CACNA2D3: variants seen among roughly 807,000 people sequenced by gnomAD.
CACNA2D3 encodes the protein calcium voltage-gated channel auxiliary subunit alpha2delta 3, also known as voltage-dependent calcium channel subunit alpha-2/delta-3.
CACNA2D3 carries 60 observed loss-of-function variants against 160.6 expected under a neutral mutation model. That is an observed-to-expected ratio of 0.37 (90% CI 0.30 to 0.46). The LOEUF is 0.46. CACNA2D3 is among the 20% of genes least tolerant of loss of function. CACNA2D3 has a pLI of 1.00. For missense variants in CACNA2D3, 1,205 were observed against 1,365.0 expected (o/e 0.88, Z 1.85); for synonymous variants, 558 against 492.9 (o/e 1.13, Z -1.75).
intron 2 of CACNA2D3, among the ~76,000 whole-genome samples, chr3:54,128,988 C>T (rs1699652718): frequency 6.6e-6 from 1 of 152,126 alleles, no homozygotes; most frequent in Admixed American, 6.5e-5. Flanking sequence ...TGTCAGGCTT[C>T]TGGTAAAACT....
rs549890783 is a variant in CACNA2D3 at position 54,472,026 on chromosome 3, A to G, written c.382-31466A>G. On this transcript the variant is annotated intron_variant, in intron 4 of 37. Transcript: ENST00000474759. ...AACTCCAAATGATAGAAAAAAAGGG[A>G]CTCCTCCCTAACATATTTTGTGAGG... Among the ~76,000 whole-genome samples the G allele has an allele frequency of 8.5e-5, 13 of 152,120 alleles. No individual in the cohort carries two copies. The South Asian group carries it at 2.3e-3, about 27-fold the overall frequency.
intron 4 of CACNA2D3, among the ~76,000 whole-genome samples, chr3:54,400,390 C>G (rs1699433375): frequency 1.3e-5 from 2 of 152,036 alleles, no homozygotes; most frequent in South Asian, 4.1e-4. Context: ...GCCCACGACT[C>G]CTCTTCCATG....
intron 2 of CACNA2D3, among the ~76,000 whole-genome samples, chr3:54,313,555 G>C (rs1050934987): frequency 6.6e-6 from 1 of 151,440 alleles, no homozygotes; most frequent in Non-Finnish European, 1.5e-5. Flanking sequence ...CTAGCACACC[G>C]CCCTTGATGA....
At position 54,885,593 on chromosome 3, in the gene CACNA2D3, A is replaced by T; in HGVS notation, c.2056+7A>T. On this transcript the variant is annotated splice_region_variant and intron_variant, in intron 23 of 37. Coordinates refer to ENST00000474759, the MANE Select transcript of CACNA2D3 (RefSeq NM_018398.3). Reference sequence around the variant, plus strand: ...AAAGAACCTCTGCTCCAGTGTGAGTATGCTTTCAAAAGTGTGCTGTGCCTT... The same window carrying T: ...AAAGAACCTCTGCTCCAGTGTGAGTTTGCTTTCAAAAGTGTGCTGTGCCTT... The T allele has an allele frequency of 6.2e-7, 1 of 1,606,078 alleles. No individual in the cohort carries two copies. The highest frequency in any genetic ancestry group is 8.5e-7 in the Non-Finnish European group (1 of 1,174,188).
intron 13 of CACNA2D3, among the ~76,000 whole-genome samples, chr3:54,782,528 C>T (rs1702555480): frequency 6.6e-6 from 1 of 151,914 alleles, no homozygotes; most frequent in Non-Finnish European, 1.5e-5. Flanking sequence ...TTTGGACTTG[C>T]CAAGTTCTGA....
At chr3:54,746,823 G>T in intron 11 of CACNA2D3, among the ~76,000 whole-genome samples, 1 of 152,126 alleles carries the variant, frequency 6.6e-6, no homozygotes, top group African/African-American at 2.4e-5. Flanking sequence ...TAATTCCAAA[G>T]ATTGTGAAGA....
intron 2 of CACNA2D3, among the ~76,000 whole-genome samples, chr3:54,203,366 C>T (rs1229485401): frequency 6.6e-6 from 1 of 152,134 alleles, no homozygotes; most frequent in Admixed American, 6.5e-5. Flanking sequence ...ATGGCGGTGT[C>T]TAGGGGTGAA....
intron 2 of CACNA2D3, among the ~76,000 whole-genome samples, chr3:54,166,155 T>C (rs1700451089): frequency 6.6e-6 from 1 of 152,190 alleles, no homozygotes; most frequent in Non-Finnish European, 1.5e-5. Flanking sequence ...AAGCTGGCTG[T>C]GTTTCCTTTC....
intron 11 of CACNA2D3, among the ~76,000 whole-genome samples, chr3:54,644,835 T>A (rs1001578083): frequency 6.6e-6 from 1 of 152,230 alleles, no homozygotes; most frequent in Admixed American, 6.5e-5. Flanking sequence ...CTTGTGGAAC[T>A]ACTGCCACAA....
intron 13 of CACNA2D3, among the ~76,000 whole-genome samples, chr3:54,809,311 CTTTT>C (rs1217898723): frequency 1.4e-4 from 11 of 80,732 alleles, no homozygotes; most frequent in Non-Finnish European, 2.0e-4. Flanking sequence ...TTCCTTCTTT[CTTTT>C]TTTTTTTTTT....
chr3:54,777,793 G>A (rs1405310536), intron 13 of CACNA2D3, among the ~76,000 whole-genome samples: 1 of 152,182 alleles, frequency 6.6e-6, no homozygotes. Context: ...TATTCCAATA[G>A]CAGGGACCAG....
chr3:55,008,769 C>T (rs1243371822), intron 33 of CACNA2D3, among the ~76,000 whole-genome samples: 5 of 152,104 alleles, frequency 3.3e-5, no homozygotes, highest in Admixed American at 3.3e-4. Flanking sequence ...TCTCTTCATC[C>T]ACTGGAGGAT....
chr3:54,260,124 T>G (rs1381106320), intron 2 of CACNA2D3, among the ~76,000 whole-genome samples: 1 of 152,182 alleles, frequency 6.6e-6, no homozygotes, highest in Non-Finnish European at 1.5e-5. Context: ...TTTTTCTACT[T>G]TCTAAACAGA....
At chr3:54,786,976 T>A (rs185069957) in intron 13 of CACNA2D3, among the ~76,000 whole-genome samples, 1 of 152,228 alleles carries the variant, frequency 6.6e-6, no homozygotes. Flanking sequence ...CATGGAGATA[T>A]GGAAGCCATT....
chr3:54,681,031 A>G (rs1435278813), intron 11 of CACNA2D3, among the ~76,000 whole-genome samples: 1 of 151,948 alleles, frequency 6.6e-6, no homozygotes, highest in Non-Finnish European at 1.5e-5. Context: ...TGGCTTTTTC[A>G]TTGATTATCT....
intron 27 of CACNA2D3, among the ~76,000 whole-genome samples, chr3:54,910,366 T>A (rs1029735681): frequency 6.6e-6 from 1 of 152,254 alleles, no homozygotes; most frequent in African/African-American, 2.4e-5. Context: ...TATATGCTCC[T>A]CTGCCTTGCT....
At position 54,364,368 on chromosome 3, in the gene CACNA2D3, A is replaced by T. The variant is rs77200660; in HGVS notation, c.322-22347A>T. Among the ~76,000 whole-genome samples the T allele has an allele frequency of 6.7e-3, 1,021 of 152,330 alleles. 7 individuals are homozygous for T. The highest frequency in any genetic ancestry group is 0.023 in the African/African-American group (957 of 41,566). On this transcript the variant is annotated intron_variant, in intron 3 of 37. Coordinates refer to ENST00000474759, the MANE Select transcript of CACNA2D3 (RefSeq NM_018398.3). ...AATAGAAAGACCTTGAGCAATATCTAATTATTCTTGTGCCTCTTAATTTGA... is the reference window on the plus strand; with the variant it reads ...AATAGAAAGACCTTGAGCAATATCTTATTATTCTTGTGCCTCTTAATTTGA...
chr3:54,137,183 C>T (rs141680160), intron 2 of CACNA2D3, among the ~76,000 whole-genome samples: 4 of 152,254 alleles, frequency 2.6e-5, no homozygotes, highest in East Asian at 3.9e-4. Context: ...TCAATGTGGG[C>T]GGCATGAATG....
chr3:54,566,977 GT>G (rs1270886317), intron 6 of CACNA2D3, among the ~76,000 whole-genome samples: 1 of 152,166 alleles, frequency 6.6e-6, no homozygotes, highest in African/African-American at 2.4e-5. Flanking sequence ...CCAGGCTCAG[GT>G]TTAGCAATGG....
Sources: allele counts gnomAD v4.1 joint callset (sites outside exome capture counted in the v4.1 genomes callset), GRCh38; gene constraint gnomAD v4.1.1; transcripts MANE v1.5; gene names NCBI Gene and HGNC (gene_info 2026-07-23, HGNC 2026-07-21).